The following GRID1 variants were observed in gnomAD, a reference collection of about 807,000 sequenced individuals.
GRID1 encodes glutamate ionotropic receptor delta type subunit 1, also known as glutamate receptor ionotropic, delta-1.
GRID1 carries 28 observed loss-of-function variants against 98.0 expected under a neutral mutation model. The observed-to-expected ratio is 0.29, with a 90% CI of 0.21 to 0.39. The LOEUF (loss-of-function observed/expected upper bound fraction) is 0.39, where lower values mean the gene tolerates loss of function less well. GRID1 is among the 10% of genes least tolerant of loss of function. The pLI is 1.00. For synonymous variants in GRID1, 553 were observed against 538.5 expected, an observed-to-expected ratio of 1.03 and a Z score of -0.37; for missense variants, 1,111 against 1,340.5, an observed-to-expected ratio of 0.83 and a Z score of 2.67.
At chr10:86,060,792 T>C (rs1202698288) in intron 4 of GRID1, among the ~76,000 whole-genome samples, 1 of 152,190 alleles carries the variant, frequency 6.6e-6, no homozygotes, top group Non-Finnish European at 1.5e-5. Context: ...CCACAGCTAC[T>C]GCACCATGGC....
rs891101751 is a variant in GRID1 at position 85,803,600 on chromosome 10, C to CA, written c.1233+50895dup. ...AATAAATTAATAACAAAAGCATTTT[C>CA]AAAAAAAAAGCTCTAAATAAAGAAA... On this transcript the variant is annotated intron_variant, in intron 8 of 15. Coordinates refer to ENST00000327946, the MANE Select transcript of GRID1 (RefSeq NM_017551.3). 3.9e-3 allele frequency among the ~76,000 whole-genome samples: 585 copies of CA among 148,436 alleles called. 5 individuals carry two copies. The highest frequency in any genetic ancestry group is 0.014 in the African/African-American group (550 of 40,518).
chr10:85,728,220 A>C (rs1841784231), intron 9 of GRID1, among the ~76,000 whole-genome samples, 168 bp from the exon 10 acceptor site: 1 of 152,202 alleles, frequency 6.6e-6, no homozygotes, highest in South Asian at 2.1e-4. Flanking sequence ...ATGGACACTC[A>C]AGGAACAGTG....
chr10:85,756,852 A>G (rs780398519), intron 8 of GRID1, among the ~76,000 whole-genome samples: 10 of 152,202 alleles, frequency 6.6e-5, no homozygotes, highest in African/African-American at 2.4e-4. Context: ...TATTGCTCTG[A>G]GCACTGTACC....
At chr10:86,013,571 T>C (rs1191087785) in intron 4 of GRID1, among the ~76,000 whole-genome samples, 1 of 152,198 alleles carries the variant, frequency 6.6e-6, no homozygotes, top group African/African-American at 2.4e-5. Flanking sequence ...TTTCCCTTTA[T>C]CTCAAACAAC....
chr10:86,036,138 GGT>G (rs1361522057), intron 4 of GRID1, among the ~76,000 whole-genome samples: 4 of 152,200 alleles, frequency 2.6e-5, no homozygotes, highest in Non-Finnish European at 5.9e-5. Flanking sequence ...TTGGGGGAAA[GGT>G]GTGTAGGACC....
chr10:85,802,010 A>T (rs1449040485), intron 8 of GRID1, among the ~76,000 whole-genome samples: 1 of 152,100 alleles, frequency 6.6e-6, no homozygotes, highest in Non-Finnish European at 1.5e-5. Context: ...TCTTTAAAGG[A>T]CAGCATTTAC....
intron 3 of GRID1, among the ~76,000 whole-genome samples, chr10:86,196,461 T>A (rs2132012017): frequency 6.6e-6 from 1 of 152,152 alleles, no homozygotes; most frequent in South Asian, 2.1e-4. Flanking sequence ...ACGGTAGGCG[T>A]TTTTATTATC....
At chr10:86,027,021 G>T (rs72846406) in intron 4 of GRID1, among the ~76,000 whole-genome samples, 1 of 152,346 alleles carries the variant, frequency 6.6e-6, no homozygotes, top group Non-Finnish European at 1.5e-5. Flanking sequence ...GCAGGACAAA[G>T]AGCTCCACTC....
At chr10:85,729,469 C>T (rs758533493) in intron 9 of GRID1, 44 bp downstream of exon 9, 1 of 1,124,306 alleles carries the variant, frequency 8.9e-7, no homozygotes, top group Admixed American at 1.8e-5. Context: ...GATTCAACAG[C>T]CTGGATGGTG....
intron 4 of GRID1, among the ~76,000 whole-genome samples, chr10:86,034,008 C>A (rs2131894677): frequency 6.6e-6 from 1 of 152,326 alleles, no homozygotes; most frequent in East Asian, 1.9e-4. Flanking sequence ...CTTCAGGGGA[C>A]AATGTTATTC....
chr10:85,851,090 C>A (rs536548442), intron 8 of GRID1, among the ~76,000 whole-genome samples: 17 of 152,284 alleles, frequency 1.1e-4, no homozygotes, highest in African/African-American at 3.8e-4. Context: ...ATGGAATCCT[C>A]TTTTGGAGAT....
At chr10:85,757,425 G>A (rs774103393) in intron 8 of GRID1, among the ~76,000 whole-genome samples, 2 of 152,238 alleles carry the variant, frequency 1.3e-5, no homozygotes, top group African/African-American at 4.8e-5. Context: ...TCTCCCATCT[G>A]TCCATTCTGG....
chr10:85,786,493 G>A (rs1042625701), intron 8 of GRID1, among the ~76,000 whole-genome samples: 7 of 152,150 alleles, frequency 4.6e-5, no homozygotes, highest in African/African-American at 9.7e-5. Flanking sequence ...GACTCCACAG[G>A]GCAGCAGGGT....
chr10:85,729,430 A>T, intron 9 of GRID1, 83 bp downstream of exon 9: 1 of 757,072 alleles, frequency 1.3e-6, no homozygotes, highest in Non-Finnish European at 2.3e-6. Context: ...CTTCTCCCCA[A>T]ACCCAGCATT....
chr10:85,986,507 CA>C (rs1407799293), intron 4 of GRID1, among the ~76,000 whole-genome samples: 1 of 152,210 alleles, frequency 6.6e-6, no homozygotes, highest in Non-Finnish European at 1.5e-5. Flanking sequence ...ACGTAACAAT[CA>C]GGTAAATACA....
chr10:85,626,023 C>A (rs1033541994), intron 13 of GRID1, among the ~76,000 whole-genome samples: 1 of 152,170 alleles, frequency 6.6e-6, no homozygotes, highest in Admixed American at 6.5e-5. Flanking sequence ...CTGCTCCCCC[C>A]AAATGAGAAT....
intron 8 of GRID1, among the ~76,000 whole-genome samples, chr10:85,850,723 T>C (rs1021290565): frequency 2.0e-5 from 3 of 152,214 alleles, no homozygotes; most frequent in Non-Finnish European, 4.4e-5. Context: ...CCCTGTGCCA[T>C]ATGAGCATGC....
intron 2 of GRID1, among the ~76,000 whole-genome samples, chr10:86,360,331 AG>A (rs1358447077): frequency 6.6e-6 from 1 of 152,266 alleles, no homozygotes; most frequent in African/African-American, 2.4e-5. Context: ...TATAAAATAC[AG>A]TGGTGGGGGG....
intron 3 of GRID1, among the ~76,000 whole-genome samples, chr10:86,199,748 G>A (rs1845922309): frequency 6.6e-6 from 1 of 152,092 alleles, no homozygotes; most frequent in African/African-American, 2.4e-5. Context: ...CTTAGACTCT[G>A]GGACTGTGGT....
Sources: gnomAD v4.1 joint callset for allele counts (sites outside exome capture counted in the v4.1 genomes callset) on GRCh38, gnomAD v4.1.1 for gene constraint, MANE v1.5 for transcripts, NCBI Gene and HGNC (gene_info 2026-07-23, HGNC 2026-07-21) for gene names.